The following ARHGEF11 variants were observed in gnomAD, a reference collection of about 807,000 sequenced individuals.
ARHGEF11 encodes Rho guanine exchange factor (GEF) 11.
In ARHGEF11, 55 loss-of-function variants were observed where a neutral mutation model predicts 193.7. The observed-to-expected ratio is 0.28, with a 90% CI of 0.23 to 0.36. ARHGEF11 has a LOEUF of 0.36. Among genes scored for constraint, ARHGEF11 ranks in the 10% least tolerant of loss-of-function variants. The pLI is 1.00. For missense variants in ARHGEF11, 1,723 were observed against 2,005.6 expected (o/e 0.86, Z 2.69); for synonymous variants, 693 against 768.0 (o/e 0.90, Z 1.62).
chr1:157,033,286 C>T (rs989789719), intron 1 of ARHGEF11, among the ~76,000 whole-genome samples: 2 of 152,022 alleles, frequency 1.3e-5, no homozygotes, highest in Non-Finnish European at 2.9e-5. Context: ...ATGCAGTAGC[C>T]CAAGAGAAGG....
At chr1:157,017,330 A>T (rs1344355928) in intron 1 of ARHGEF11, among the ~76,000 whole-genome samples, 1 of 152,182 alleles carries the variant, frequency 6.6e-6, no homozygotes, top group Non-Finnish European at 1.5e-5. Context: ...TTGTTAAATT[A>T]TAATTATTTG....
intron 11 of ARHGEF11, 137 bp from the exon 12 acceptor site, chr1:156,963,731 C>G: frequency 1.4e-6 from 2 of 1,471,620 alleles, no homozygotes; most frequent in Non-Finnish European, 1.8e-6. Flanking sequence ...ATCTCACTCC[C>G]GCCCCCAAAA....
chr1:157,009,683 C>T (rs1668319877), intron 1 of ARHGEF11, among the ~76,000 whole-genome samples: 1 of 152,180 alleles, frequency 6.6e-6, no homozygotes. Context: ...AAACACAGGA[C>T]TCCTTACTAA....
intron 1 of ARHGEF11, among the ~76,000 whole-genome samples, chr1:157,023,255 T>C (rs889941208): frequency 3.9e-5 from 6 of 152,192 alleles, no homozygotes; most frequent in African/African-American, 1.4e-4. Context: ...AAGGGTCTAG[T>C]ATACAGAATC....
At chr1:157,043,300 A>G (rs775451558) in intron 1 of ARHGEF11, among the ~76,000 whole-genome samples, 1 of 152,098 alleles carries the variant, frequency 6.6e-6, no homozygotes, top group African/African-American at 2.4e-5. Context: ...CCACCCATCT[A>G]TCCAGTTAGG....
Position 156,935,849 on chromosome 1 carries a change from G to C in ARHGEF11, c.*151C>G. The C allele has an allele frequency of 3.6e-6, 3 of 832,916 alleles. No individual in the cohort carries two copies. The highest frequency in any genetic ancestry group is 1.9e-5 in the South Asian group (1 of 52,990). The allele number at this position is 832,916 out of a possible 1,614,324, so 51.6% of individuals were successfully genotyped here. ...GACTTGAGCAGACCAAGCAACATGC[G>C]GGTCTCCCCCCGGGCCTTGGCTGGA... On this transcript the variant is annotated 3_prime_UTR_variant, in exon 41 of 41. Transcript: ENST00000368194.
At chr1:157,026,368 A>AT (rs1670645748) in intron 1 of ARHGEF11, among the ~76,000 whole-genome samples, 1 of 152,096 alleles carries the variant, frequency 6.6e-6, no homozygotes, top group Non-Finnish European at 1.5e-5. Flanking sequence ...ATGGGAGTGC[A>AT]TTTTTTCAAA....
At chr1:156,936,441 G>A (rs1209221591) in intron 40 of ARHGEF11, among the ~76,000 whole-genome samples, 9 of 138,682 alleles carry the variant, frequency 6.5e-5, no homozygotes, top group Non-Finnish European at 1.4e-4. Context: ...AGACCAGCCT[G>A]GGCAACATAG....
rs67397720 is a variant in ARHGEF11 at position 156,941,516 on chromosome 1, TC to T, written c.3453-84del. ...CATTAGAATGGGCAATGGAGTAGGATCCGAGAAGGACGGTGTGGGCCTCTTC... is the reference window on the plus strand; with the variant it reads ...CATTAGAATGGGCAATGGAGTAGGATCGAGAAGGACGGTGTGGGCCTCTTC... On this transcript the variant is annotated intron_variant, in intron 34 of 40. Transcript: ENST00000368194. The T allele has an allele frequency of 7.4e-3, 10,901 of 1,468,980 alleles. 716 individuals carry two copies. In the African/African-American group the frequency reaches 0.13, roughly 18 times the overall value. 91.0% of individuals were successfully genotyped at this position (1,468,980 alleles called of 1,614,324 possible).
At chr1:156,971,638 C>T in intron 8 of ARHGEF11, 59 bp downstream of exon 8, 1 of 1,556,356 alleles carries the variant, frequency 6.4e-7, no homozygotes, top group Non-Finnish European at 8.7e-7. Flanking sequence ...CTTTTTCCCT[C>T]ACTCTACCCC....
intron 1 of ARHGEF11, among the ~76,000 whole-genome samples, chr1:156,997,624 C>A (rs968375940): frequency 6.6e-6 from 1 of 152,064 alleles, no homozygotes; most frequent in Admixed American, 6.6e-5. Context: ...ACTGGGAGTA[C>A]CCTCTAGCCC....
At chr1:156,957,480 A>C (rs563958418) in intron 18 of ARHGEF11, among the ~76,000 whole-genome samples, 7 of 152,312 alleles carry the variant, frequency 4.6e-5, no homozygotes, top group African/African-American at 1.4e-4. Flanking sequence ...AAGAGAGACA[A>C]AGGGCTCATC....
At position 156,984,197 on chromosome 1, in the gene ARHGEF11, G is replaced by A. The variant is rs184214069; in HGVS notation, c.223+142C>T. 3.3e-4 allele frequency: 196 copies of A among 585,818 alleles called. No individual in the cohort carries two copies. The Middle Eastern group carries it at 5.6e-3, about 17-fold the overall frequency. 36.3% of individuals were successfully genotyped at this position (585,818 alleles called of 1,614,324 possible). A position where few individuals can be genotyped will look rare whatever the true frequency, so the allele number is the denominator to read the frequency against. ...TGCCTGGGGGCTTAGCATTGAAGAGGCTTCCCCACGCACCCATGGAGAACC... is the reference window on the plus strand; with the variant it reads ...TGCCTGGGGGCTTAGCATTGAAGAGACTTCCCCACGCACCCATGGAGAACC... On this transcript the variant is annotated intron_variant, in intron 3 of 40. Coordinates refer to ENST00000368194, the MANE Select transcript of ARHGEF11 (RefSeq NM_198236.3).
intron 40 of ARHGEF11, 128 bp from the exon 41 acceptor site, chr1:156,936,186 G>A: frequency 1.0e-6 from 1 of 989,240 alleles, no homozygotes; most frequent in South Asian, 1.3e-5. Flanking sequence ...AGAAACCCCA[G>A]TTTCTCGTAG....
rs201432934 is a variant in ARHGEF11 at position 156,945,016 on chromosome 1, T to C, written c.2991+3A>G. ...GTTGACTGCTGCAGCCTCTGCCTCCTACCTTGAACTCTGCTGCCAGGGGGT... is the reference window on the plus strand; with the variant it reads ...GTTGACTGCTGCAGCCTCTGCCTCCCACCTTGAACTCTGCTGCCAGGGGGT... On this transcript the variant is annotated splice_donor_region_variant and intron_variant, in intron 30 of 40. Transcript: ENST00000368194. The C allele has an allele frequency of 4.9e-5, 79 of 1,612,844 alleles. No homozygotes were observed. Among genetic ancestry groups the C allele is most frequent in the Non-Finnish European group, 6.2e-5 (73 of 1,179,764 alleles).
In ARHGEF11 at chr1:157,044,339, G is replaced by A. The variant is rs762645840; in HGVS notation, c.-9C>T. On this transcript the variant is annotated 5_prime_UTR_variant, in exon 1 of 41. Coordinates refer to ENST00000368194, the MANE Select transcript of ARHGEF11 (RefSeq NM_198236.3). Reference sequence around the variant, plus strand: ...GGTAACCTTACACTCATGGTTTCTCGGTGTCTCCACGGTTCCAGAATCCTG... The same window carrying A: ...GGTAACCTTACACTCATGGTTTCTCAGTGTCTCCACGGTTCCAGAATCCTG... 2.5e-5 allele frequency: 40 copies of A among 1,613,168 alleles called. No individual in the cohort carries two copies. Among genetic ancestry groups the A allele is most frequent in the Non-Finnish European group, 3.0e-5 (35 of 1,179,742 alleles).
chr1:157,019,084 A>G (rs1424430341), intron 1 of ARHGEF11, among the ~76,000 whole-genome samples: 1 of 152,240 alleles, frequency 6.6e-6, no homozygotes, highest in Non-Finnish European at 1.5e-5. Flanking sequence ...GCAAAGATTT[A>G]TTCATTAAAT....
At chr1:156,958,984 A>T (rs1572409) in intron 16 of ARHGEF11, 62 bp downstream of exon 16, 276,707 of 1,609,838 alleles carry the variant, frequency 0.17, 25,038 homozygotes, top group East Asian at 0.34. Flanking sequence ...AGAGGGAAGG[A>T]GCCAGGGCCA....
intron 4 of ARHGEF11, among the ~76,000 whole-genome samples, chr1:156,979,614 T>C (rs1422590743): frequency 6.6e-6 from 1 of 152,204 alleles, no homozygotes; most frequent in African/African-American, 2.4e-5. Flanking sequence ...TCCGCCCGTC[T>C]TGGCCTCCCA....
Sources: allele counts gnomAD v4.1 joint callset (sites outside exome capture counted in the v4.1 genomes callset), GRCh38; gene constraint gnomAD v4.1.1; transcripts MANE v1.5; gene names NCBI Gene and HGNC (gene_info 2026-07-23, HGNC 2026-07-21).